Variants in NDUFAF6 observed in about 807,000 individuals in gnomAD.
The protein encoded by NDUFAF6 is NADH dehydrogenase (ubiquinone) complex I, assembly factor 6.
In NDUFAF6, 45 loss-of-function variants were observed where a neutral mutation model predicts 40.8. The observed-to-expected ratio is 1.10, with a 90% CI of 0.87 to 1.42. NDUFAF6 has a LOEUF of 1.42. NDUFAF6 is among the 40% of genes most tolerant of loss of function. The pLI is 0.00. For synonymous variants in NDUFAF6, 185 were observed against 155.9 expected, an observed-to-expected ratio of 1.19 and a Z score of -1.39; for missense variants, 435 against 418.5, an observed-to-expected ratio of 1.04 and a Z score of -0.34.
intron 2 of NDUFAF6, among the ~76,000 whole-genome samples, chr8:95,033,196 A>G (rs944998540): frequency 1.1e-4 from 16 of 152,038 alleles, no homozygotes; most frequent in Non-Finnish European, 2.2e-4. Flanking sequence ...ATGTGCCACT[A>G]TGCCTGGCTA....
At position 94,973,063 on chromosome 8, in the gene NDUFAF6, C is replaced by T. The variant is rs1824607929; in HGVS notation, c.-198-7796C>T. ...CTTCACTACAGCCTGGGTGACAGAA[C>T]AAGACTCTGTCTCTAACTAGCTAAA... On this transcript the variant is annotated intron_variant, in intron 1 of 9. Coordinates refer to the NDUFAF6 transcript ENST00000396111. 7.9e-5 allele frequency among the ~76,000 whole-genome samples: 12 copies of T among 151,768 alleles called. No homozygotes were observed. The South Asian group carries it at 2.5e-3, about 32-fold the overall frequency.
exon 3 of NDUFAF6, chr8:95,103,350 T>C (rs1809715665): frequency 6.6e-6 from 1 of 152,188 alleles, no homozygotes; most frequent in South Asian, 2.1e-4. Flanking sequence ...GGGCCAGATA[T>C]AGCTCGATCA....
chr8:94,967,954 A>C lies in NDUFAF6; in HGVS notation c.-199+9775A>C, dbSNP rs1415361290. Among the ~76,000 whole-genome samples, 6 of 151,818 alleles carry C rather than the reference A, an allele frequency of 4.0e-5. 1 individual carries two copies. The South Asian group carries it at 6.2e-4, about 16-fold the overall frequency. On this transcript the variant is annotated intron_variant, in intron 1 of 9. Transcript: ENST00000396111. ...AGACTCTGTCTCAAAAAAAAAAAAA[A>C]AAAGTCAGCTGGGGCTACAGTCATC... is the stretch of plus-strand genomic sequence containing the variant.
At chr8:95,089,293 C>T (rs1300583496) in intron 2 of NDUFAF6, among the ~76,000 whole-genome samples, 2 of 152,034 alleles carry the variant, frequency 1.3e-5, no homozygotes, top group East Asian at 1.9e-4. Context: ...CTCATGAACT[C>T]ATGCCTGCAT....
chr8:95,037,901 C>G (rs1829688685), intron 3 of NDUFAF6, among the ~76,000 whole-genome samples: 1 of 152,146 alleles, frequency 6.6e-6, no homozygotes, highest in African/African-American at 2.4e-5. Context: ...GGACAAACAC[C>G]TCTATACCCT....
intron 2 of NDUFAF6, among the ~76,000 whole-genome samples, chr8:94,997,339 C>CAGAGAGAGAG (rs1202029928): frequency 8.0e-6 from 1 of 124,264 alleles, no homozygotes; most frequent in African/African-American, 3.3e-5. Context: ...CACACACACA[C>CAGAGAGAGAG]ACACAGAGAG....
intron 2 of NDUFAF6, among the ~76,000 whole-genome samples, chr8:94,985,032 A>T (rs568943769): frequency 6.6e-6 from 1 of 152,192 alleles, no homozygotes; most frequent in East Asian, 1.9e-4. Flanking sequence ...GAAATGCTAG[A>T]TACTCATTTA....
rs886705723 is a variant in NDUFAF6 at position 95,040,842 on chromosome 8, C to T, written c.421-728C>T. The T allele has an allele frequency of 1.1e-4, 16 of 152,310 alleles. No homozygotes were observed. In the East Asian group the frequency reaches 1.9e-3, roughly 18 times the overall value. 9.4% of individuals were successfully genotyped at this position (152,310 alleles called of 1,614,324 possible). A position where few individuals can be genotyped will look rare whatever the true frequency, so the allele number is the denominator to read the frequency against. On this transcript the variant is annotated intron_variant, in intron 3 of 8. Transcript: ENST00000396124. ...TCTAGGATCCTTTTGAATCTCTCCC[C>T]TGCCTCACCTTTGGAATCGCCCATT... is the stretch of plus-strand genomic sequence containing the variant.
upstream of NDUFAF6, among the ~76,000 whole-genome samples, chr8:95,021,035 C>T (rs1371117104): frequency 6.6e-6 from 1 of 152,152 alleles, no homozygotes; most frequent in Non-Finnish European, 1.5e-5. Flanking sequence ...CTCAGGAAAG[C>T]CTTGGGTTGC....
chr8:95,071,399 AAAAG>A (rs1405773126), intron 9 of NDUFAF6, among the ~76,000 whole-genome samples: 4 of 90,824 alleles, frequency 4.4e-5, no homozygotes, highest in African/African-American at 1.9e-4. Context: ...CTCCGTCTCC[AAAAG>A]AAAAAAAAAA....
intron 2 of NDUFAF6, among the ~76,000 whole-genome samples, chr8:95,083,088 CTTAGAATTCT>C (rs1473026022): frequency 6.6e-6 from 1 of 152,162 alleles, no homozygotes; most frequent in East Asian, 1.9e-4. Context: ...ACCCATATTC[CTTAGAATTCT>C]TTCAGGGTTT....
chr8:95,048,667 T>C, intron 7 of NDUFAF6, 109 bp downstream of exon 7: 1 of 813,050 alleles, frequency 1.2e-6, no homozygotes, highest in Non-Finnish European at 2.1e-6. Flanking sequence ...TTTTTCCATT[T>C]TTCATTGATT....
In NDUFAF6 at chr8:94,935,464, C is replaced by T. The variant is rs1432441989; in HGVS notation, c.-935-10019C>T. Among the ~76,000 whole-genome samples the T allele has an allele frequency of 3.3e-5, 5 of 152,212 alleles. 1 individual carries two copies. The highest frequency in any genetic ancestry group is 4.8e-5 in the African/African-American group (2 of 41,534). ...AAAGGTCATATGATGTCTGTAAATT[C>T]GGGGAAACTTAAAAAGCCAGAAGGC... On this transcript the variant is annotated intron_variant, in intron 1 of 14. Coordinates refer to the NDUFAF6 transcript ENST00000396113.
intron 1 of NDUFAF6, among the ~76,000 whole-genome samples, chr8:94,959,858 T>G (rs1823417426): frequency 1.3e-5 from 2 of 152,220 alleles, no homozygotes; most frequent in Admixed American, 1.3e-4. Context: ...TTGTATGAAC[T>G]GACCTTGGCT....
upstream of NDUFAF6, among the ~76,000 whole-genome samples, chr8:95,096,305 G>A (rs966585791): frequency 3.3e-5 from 5 of 152,172 alleles, no homozygotes; most frequent in Admixed American, 3.3e-4. Context: ...TTCAACAAAA[G>A]TATTGGCCTT....
chr8:94,956,236 A>G (rs1424634390), upstream of NDUFAF6, among the ~76,000 whole-genome samples: 2 of 152,236 alleles, frequency 1.3e-5, no homozygotes, highest in Non-Finnish European at 2.9e-5. Context: ...TTAAAAGGTC[A>G]TAAGAGTAAC....
intron 4 of NDUFAF6, among the ~76,000 whole-genome samples, chr8:95,113,853 G>T (rs918315406): frequency 1.1e-4 from 17 of 152,190 alleles, no homozygotes; most frequent in South Asian, 2.1e-4. Flanking sequence ...CTCAAAATTT[G>T]TAGGGACATG....
chr8:95,040,847 T>A (rs1006775777), intron 3 of NDUFAF6: 3 of 152,180 alleles, frequency 2.0e-5, no homozygotes, highest in Non-Finnish European at 4.4e-5. Context: ...CTCCCCTGCC[T>A]CACCTTTGGA....
intron 2 of NDUFAF6, among the ~76,000 whole-genome samples, chr8:95,081,268 A>G (rs1388430694): frequency 2.1e-5 from 3 of 144,954 alleles, no homozygotes; most frequent in African/African-American, 5.2e-5. Context: ...AAGTTCAAGC[A>G]ATTCTCCTGC....
Sources: gnomAD v4.1 joint callset for allele counts (sites outside exome capture counted in the v4.1 genomes callset) on GRCh38, gnomAD v4.1.1 for gene constraint, MANE v1.5 for transcripts, NCBI Gene and HGNC (gene_info 2026-07-23, HGNC 2026-07-21) for gene names.